DIP2C: variants seen among roughly 807,000 people sequenced by gnomAD.
DIP2C encodes DIP2 acetate--CoA ligase C (putative).
In DIP2C, 33 loss-of-function variants were observed where a neutral mutation model predicts 192.4. The ratio of observed to expected loss-of-function variants is 0.17; its 90% confidence interval spans 0.13 to 0.23. The LOEUF (loss-of-function observed/expected upper bound fraction) is 0.23. Among genes scored for constraint, DIP2C ranks in the 10% least tolerant of loss-of-function variants. The pLI, the probability that DIP2C is intolerant of heterozygous loss-of-function variation, is 1.00. For synonymous variants in DIP2C, 979 were observed against 864.1 expected, an observed-to-expected ratio of 1.13 and a Z score of -2.33; for missense variants, 1,537 against 2,110.1, an observed-to-expected ratio of 0.73 and a Z score of 5.32.
intron 2 of DIP2C, among the ~76,000 whole-genome samples, chr10:485,558 T>A (rs576275923): frequency 6.6e-6 from 1 of 152,160 alleles, no homozygotes; most frequent in East Asian, 1.9e-4. Context: ...TAGCAGAATC[T>A]CCACACCGTT....
At chr10:501,730 T>C (rs1364655429) in intron 1 of DIP2C, among the ~76,000 whole-genome samples, 1 of 152,092 alleles carries the variant, frequency 6.6e-6, no homozygotes, top group Admixed American at 6.6e-5. Flanking sequence ...ATTCAACACA[T>C]AGGCACCGCA....
chr10:347,428 G>A (rs1423353510), intron 26 of DIP2C, among the ~76,000 whole-genome samples: 7 of 146,528 alleles, frequency 4.8e-5, no homozygotes, highest in Non-Finnish European at 8.9e-5. Flanking sequence ...TAGTTCTCCC[G>A]GAAACGTCAC....
At chr10:282,835 C>T (rs558110137) in intron 35 of DIP2C, among the ~76,000 whole-genome samples, 4 of 152,382 alleles carry the variant, frequency 2.6e-5, no homozygotes, top group African/African-American at 7.2e-5. Flanking sequence ...TCTTCCCTGA[C>T]AGGGGCAGAC....
At chr10:483,046 C>T (rs1381421263) in intron 2 of DIP2C, among the ~76,000 whole-genome samples, 1 of 152,206 alleles carries the variant, frequency 6.6e-6, no homozygotes, top group South Asian at 2.1e-4. Flanking sequence ...TCAGCACCAA[C>T]GCTCACTTCT....
At chr10:654,996 G>A (rs762263440) in intron 1 of DIP2C, among the ~76,000 whole-genome samples, 14 of 152,162 alleles carry the variant, frequency 9.2e-5, no homozygotes, top group Non-Finnish European at 1.9e-4. Flanking sequence ...CAGACAGTAA[G>A]CGAAGGGTCC....
intron 24 of DIP2C, among the ~76,000 whole-genome samples, chr10:353,125 G>A (rs1958903571): frequency 6.6e-6 from 1 of 152,084 alleles, no homozygotes; most frequent in Non-Finnish European, 1.5e-5. Context: ...AATGAGGGCT[G>A]GCTTTTCCCC....
chr10:631,942 C>A (rs1232855198), intron 1 of DIP2C, among the ~76,000 whole-genome samples: 1 of 152,154 alleles, frequency 6.6e-6, no homozygotes, highest in African/African-American at 2.4e-5. Context: ...TGTTCTGTAA[C>A]CCACATGCTG....
chr10:531,463 C>T (rs75655180), intron 1 of DIP2C, among the ~76,000 whole-genome samples: 1 of 152,214 alleles, frequency 6.6e-6, no homozygotes, highest in Non-Finnish European at 1.5e-5. Flanking sequence ...ATCTCATGGT[C>T]ATGTTGTTAA....
chr10:355,194 G>A lies in DIP2C; in HGVS notation c.2985+1232C>T, dbSNP rs1303582703. On this transcript the variant is annotated intron_variant, in intron 24 of 36. Transcript: ENST00000280886. ...GGTGGTGGCAGAAACGGGCCTTCCT[G>A]GTTTTAAAGCCTCTTCCTGGGAAAC... Among the ~76,000 whole-genome samples, 3 of 152,174 alleles carry A rather than the reference G, an allele frequency of 2.0e-5. No homozygotes were observed. In the South Asian group the frequency reaches 6.2e-4, roughly 31 times the overall value.
In DIP2C at chr10:417,749, G is replaced by A. The variant is rs866915760; in HGVS notation, c.739+1316C>T. On this transcript the variant is annotated intron_variant, in intron 6 of 36. Transcript: ENST00000280886. ...GTCTGCCTGCGCCTGTCAGGGCTCG[G>A]ATAGGCATCCCTGTCCACCTGCACC... Among the ~76,000 whole-genome samples the A allele has an allele frequency of 2.9e-4, 37 of 126,860 alleles. 2 individuals carry two copies. Among genetic ancestry groups the A allele is most frequent in the African/African-American group, 8.9e-4 (26 of 29,172 alleles). The allele number at this position is 126,860 out of a possible 152,430, so 83.2% of individuals were successfully genotyped here.
Position 639,410 on chromosome 10 carries a change from C to T in DIP2C, c.85+50084G>A, listed in dbSNP as rs989648045. Reference sequence around the variant, plus strand: ...TGTGTCAGGTCGGGAGAGTGCTGTCCGGCTCACGGTCCACACATGGGGACG... The same window carrying T: ...TGTGTCAGGTCGGGAGAGTGCTGTCTGGCTCACGGTCCACACATGGGGACG... On this transcript the variant is annotated intron_variant, in intron 1 of 36. Coordinates refer to ENST00000280886, the MANE Select transcript of DIP2C (RefSeq NM_014974.3). 1.0e-4 allele frequency among the ~76,000 whole-genome samples: 15 copies of T among 145,426 alleles called. 2 individuals carry two copies. The highest frequency in any genetic ancestry group is 3.3e-4 in the African/African-American group (13 of 39,436).
intron 1 of DIP2C, among the ~76,000 whole-genome samples, chr10:487,073 G>A (rs962170452): frequency 6.6e-6 from 1 of 152,220 alleles, no homozygotes; most frequent in South Asian, 2.1e-4. Flanking sequence ...GAAGACAAGA[G>A]AAAGGTGCTT....
chr10:598,211 C>CG (rs1256193261), intron 1 of DIP2C, among the ~76,000 whole-genome samples: 5 of 152,030 alleles, frequency 3.3e-5, no homozygotes, highest in African/African-American at 1.2e-4. Context: ...CGGCCACCAC[C>CG]AAGGGCCACG....
rs142248450 is a variant in DIP2C at position 324,992 on chromosome 10, G to A, written c.3924+2014C>T. 5.4e-4 allele frequency: 288 copies of A among 528,888 alleles called. 1 individual carries two copies. In the East Asian group the frequency reaches 0.014, roughly 25 times the overall value. 32.8% of individuals were successfully genotyped at this position (528,888 alleles called of 1,614,324 possible). On this transcript the variant is annotated intron_variant, in intron 31 of 36. Coordinates refer to ENST00000280886, the MANE Select transcript of DIP2C (RefSeq NM_014974.3). ...ATCTTAAAACATTTTGGGGCTGGGC[G>A]TGGTGGCTCATGCCTGTAATCCCAG...
chr10:604,143 C>G (rs1237667797), intron 1 of DIP2C, among the ~76,000 whole-genome samples: 1 of 151,954 alleles, frequency 6.6e-6, no homozygotes, highest in Non-Finnish European at 1.5e-5. Flanking sequence ...CTGGACCCAC[C>G]TGGACAATCC....
intron 1 of DIP2C, among the ~76,000 whole-genome samples, chr10:642,302 C>T (rs1273323679): frequency 6.6e-6 from 1 of 152,162 alleles, no homozygotes; most frequent in Admixed American, 6.5e-5. Context: ...GCTGGGCCTC[C>T]GCCTCCTAAC....
At chr10:317,510 C>T (rs1055141291) in intron 31 of DIP2C, among the ~76,000 whole-genome samples, 5 of 152,188 alleles carry the variant, frequency 3.3e-5, no homozygotes, top group South Asian at 2.1e-4. Context: ...AGCACCCAGA[C>T]GTGACACGGC....
At chr10:637,874 C>T (rs1588651125) in intron 1 of DIP2C, among the ~76,000 whole-genome samples, 1 of 152,218 alleles carries the variant, frequency 6.6e-6, no homozygotes, top group Admixed American at 6.5e-5. Context: ...AATCACCGTC[C>T]TCTCCTCTGC....
At chr10:370,023 G>A (rs1589632066) in intron 17 of DIP2C, 9 of 985,468 alleles carry the variant, frequency 9.1e-6, no homozygotes, top group Non-Finnish European at 9.6e-6. Context: ...TTTTGCAAAT[G>A]TCTGGAGGGT....
Sources: allele counts gnomAD v4.1 joint callset (sites outside exome capture counted in the v4.1 genomes callset), GRCh38; gene constraint gnomAD v4.1.1; transcripts MANE v1.5; gene names NCBI Gene and HGNC (gene_info 2026-07-23, HGNC 2026-07-21).